SLC44A3: variants seen among roughly 807,000 people sequenced by gnomAD.
SLC44A3 encodes choline transporter-like protein 3.
Under a neutral mutation model 75.4 loss-of-function variants are expected in SLC44A3, and 74 were observed. The observed-to-expected ratio is 0.98, with a 90% CI of 0.81 to 1.19. The LOEUF is 1.19. SLC44A3 is among the 50% of genes most tolerant of loss of function. The pLI, the probability that SLC44A3 is intolerant of heterozygous loss-of-function variation, is 0.00. For synonymous variants in SLC44A3, 310 were observed against 296.9 expected (o/e 1.04, Z -0.45); for missense variants, 700 against 778.6 (o/e 0.90, Z 1.20).
intron 12 of SLC44A3, among the ~76,000 whole-genome samples, chr1:94,880,025 G>A (rs1459435968): frequency 6.6e-6 from 1 of 152,176 alleles, no homozygotes; most frequent in East Asian, 1.9e-4. Flanking sequence ...GAAAATAAGT[G>A]TTGGTGAGGA....
chr1:94,865,049 C>T (rs533555950), intron 11 of SLC44A3, 150 bp downstream of exon 11: 17 of 642,812 alleles, frequency 2.6e-5, no homozygotes, highest in African/African-American at 3.7e-5. Flanking sequence ...TCCCATCCCC[C>T]GCCTCTCCCA....
In SLC44A3 at chr1:94,837,723, C is replaced by A. The variant is rs1178422176; in HGVS notation, c.522C>A (p.Pro174=). ...TCTCTATTTTTAGCAAGTCATTTCC[C>A]TTATTTAACCGATGTGTCCCTCAAA... ...RLPVPPSKSF[P]LFNRCVPQTP... The change falls in exon 6 of 15, where the codon CCC becomes CCA. Residue 174 remains proline (P), a synonymous_variant. Coordinates refer to ENST00000271227, the MANE Select transcript of SLC44A3 (RefSeq NM_001114106.3). 1 of 1,571,380 alleles carries A rather than the reference C, an allele frequency of 6.4e-7. No homozygotes were observed. The highest frequency in any genetic ancestry group is 1.4e-5 in the African/African-American group (1 of 72,908).
intron 10 of SLC44A3, among the ~76,000 whole-genome samples, chr1:94,863,170 G>T (rs535764070): frequency 6.6e-6 from 1 of 151,970 alleles, no homozygotes; most frequent in Non-Finnish European, 1.5e-5. Context: ...TTTAAGTTCC[G>T]TCTCCCATCA....
Position 94,857,417 on chromosome 1 carries a change from T to A in SLC44A3, c.1155T>A (p.Ile385=). ...GIRYMWSYHL[I]GLIWTSEFIL... ...GGTACATGTGGTCGTACCATTTAAT[T>A]GGCCTCATCTGGACTAGTGAATTCA... Residue 385 remains isoleucine (I), a synonymous_variant, in exon 10 of 15, where the codon ATT becomes ATA. Transcript: ENST00000271227. 6.2e-7 allele frequency: 1 copy of A among 1,614,218 alleles called. No homozygotes were observed. Among genetic ancestry groups the A allele is most frequent in the Non-Finnish European group, 8.5e-7 (1 of 1,180,032 alleles).
intron 3 of SLC44A3, among the ~76,000 whole-genome samples, chr1:94,825,445 C>T (rs932362913): frequency 2.6e-5 from 4 of 152,138 alleles, no homozygotes; most frequent in Non-Finnish European, 4.4e-5. Flanking sequence ...ATTCTCTTGC[C>T]TCAGCTTCCC....
chr1:94,866,987 A>C (rs1024850355), intron 11 of SLC44A3, among the ~76,000 whole-genome samples: 1 of 152,054 alleles, frequency 6.6e-6, no homozygotes, highest in Admixed American at 6.6e-5. Context: ...CTTTGGTTTG[A>C]AAAAGCAAAG....
intron 2 of SLC44A3, among the ~76,000 whole-genome samples, chr1:94,822,429 G>C (rs1285753514): frequency 6.6e-6 from 1 of 152,214 alleles, no homozygotes; most frequent in East Asian, 1.9e-4. Context: ...CTGGCTTTTA[G>C]TGTCTTTTGC....
intron 12 of SLC44A3, among the ~76,000 whole-genome samples, chr1:94,885,224 CAAA>C (rs60440950): frequency 7.2e-5 from 6 of 82,846 alleles, no homozygotes; most frequent in Non-Finnish European, 1.3e-4. Flanking sequence ...GACTCCCTCT[CAAA>C]AAAAAAAAAA....
chr1:94,862,856 T>C (rs1002604780), intron 10 of SLC44A3, among the ~76,000 whole-genome samples: 1 of 152,196 alleles, frequency 6.6e-6, no homozygotes, highest in Non-Finnish European at 1.5e-5. Context: ...TCTTAAAATA[T>C]GAATAAGTCC....
chr1:94,826,868 G>C (rs1008233013), intron 3 of SLC44A3, among the ~76,000 whole-genome samples: 1 of 152,058 alleles, frequency 6.6e-6, no homozygotes, highest in African/African-American at 2.4e-5. Flanking sequence ...CCATTCCTGG[G>C]GTCTTGGAGC....
intron 5 of SLC44A3, among the ~76,000 whole-genome samples, chr1:94,836,039 GAAA>G (rs1662739679): frequency 6.6e-6 from 1 of 152,240 alleles, no homozygotes; most frequent in Non-Finnish European, 1.5e-5. Flanking sequence ...GACTTCTGGA[GAAA>G]GATTCTTCCA....
At chr1:94,876,957 A>G (rs1205977336) in intron 12 of SLC44A3, among the ~76,000 whole-genome samples, 1 of 152,002 alleles carries the variant, frequency 6.6e-6, no homozygotes, top group Non-Finnish European at 1.5e-5. Context: ...GGAAGTAGGA[A>G]TCTTTTACCT....
At chr1:94,837,620 GC>G in intron 5 of SLC44A3, 90 bp from the exon 6 acceptor site, 1 of 1,329,252 alleles carries the variant, frequency 7.5e-7, no homozygotes, top group Admixed American at 2.9e-5. Context: ...TAGTTCTTAA[GC>G]TTTTTTGGTT....
rs375760233 is a variant in SLC44A3 at position 94,825,076 on chromosome 1, C to T, written c.278+441C>T. On this transcript the variant is annotated intron_variant, in intron 3 of 14. Transcript: ENST00000271227. ...ACACATTGTTTCTACGTGGAAATAC[C>T]CGAATGCCACCTGGAACACTGGGGA... 4.6e-5 allele frequency among the ~76,000 whole-genome samples: 7 copies of T among 152,168 alleles called. No individual in the cohort carries two copies. The East Asian group carries it at 9.7e-4, about 21-fold the overall frequency.
intron 4 of SLC44A3, 116 bp downstream of exon 4, chr1:94,827,759 T>G: frequency 1.6e-6 from 2 of 1,266,860 alleles, no homozygotes; most frequent in Non-Finnish European, 2.2e-6. Flanking sequence ...TTTTACTTCC[T>G]TGTGGGTGCC....
At chr1:94,879,539 GAAAAAA>G (rs34622297) in intron 12 of SLC44A3, among the ~76,000 whole-genome samples, 2 of 119,936 alleles carry the variant, frequency 1.7e-5, no homozygotes, top group Non-Finnish European at 3.3e-5. Context: ...CTCAAAAAAA[GAAAAAA>G]AAAAAAAAAA....
At chr1:94,854,300 C>T (rs1464910766) in intron 9 of SLC44A3, among the ~76,000 whole-genome samples, 1 of 152,220 alleles carries the variant, frequency 6.6e-6, no homozygotes, top group East Asian at 1.9e-4. Flanking sequence ...CCAAGTTCAT[C>T]TTGCCTACTC....
intron 2 of SLC44A3, among the ~76,000 whole-genome samples, chr1:94,822,130 G>C (rs1660694141): frequency 6.6e-6 from 1 of 152,190 alleles, no homozygotes; most frequent in African/African-American, 2.4e-5. Context: ...GTGCCTGGCA[G>C]CTTTGACCTC....
At chr1:94,885,311 C>T (rs572082298) in intron 12 of SLC44A3, among the ~76,000 whole-genome samples, 21 of 148,056 alleles carry the variant, frequency 1.4e-4, no homozygotes, top group Admixed American at 1.2e-3. Flanking sequence ...CAGATGAGAT[C>T]TAATGAGACG....
Sources: gnomAD v4.1 joint callset for allele counts (sites outside exome capture counted in the v4.1 genomes callset) on GRCh38, gnomAD v4.1.1 for gene constraint, MANE v1.5 for transcripts, NCBI Gene and HGNC (gene_info 2026-07-23, HGNC 2026-07-21) for gene names.